RARB: variants seen among roughly 807,000 people sequenced by gnomAD.
The protein encoded by RARB is retinoic acid receptor beta.
In RARB, 17 loss-of-function variants were observed where a neutral mutation model predicts 51.9. The observed-to-expected ratio is 0.33, with a 90% CI of 0.22 to 0.49. The LOEUF (loss-of-function observed/expected upper bound fraction) is 0.49, where lower values mean the gene tolerates loss of function less well. Among genes scored for constraint, RARB ranks in the 20% least tolerant of loss-of-function variants. The probability of loss-of-function intolerance (pLI) is 0.99; values close to 1 mark genes in which losing one functional copy is unlikely to be tolerated. For missense variants in RARB, 369 were observed against 550.8 expected (o/e 0.67, Z 3.30); for synonymous variants, 215 against 195.4 (o/e 1.10, Z -0.84).
At chr3:25,339,906 G>C (rs77027859) in intron 5 of RARB, among the ~76,000 whole-genome samples, 2,959 of 152,238 alleles carry the variant, frequency 0.019, 33 homozygotes, top group Non-Finnish European at 0.031. Context: ...TCTGGCTGCA[G>C]TTTTTATATT....
chr3:25,120,901 A>G (rs943613031), intron 3 of RARB, among the ~76,000 whole-genome samples: 5 of 152,160 alleles, frequency 3.3e-5, no homozygotes, highest in Admixed American at 2.6e-4. Context: ...CCACTTTCCC[A>G]TGGCAGAGTC....
At chr3:25,424,339 T>G (rs78312847), upstream of RARB, among the ~76,000 whole-genome samples, 4,331 of 152,212 alleles carry the variant, frequency 0.028, 199 homozygotes, top group African/African-American at 0.097. Flanking sequence ...AAGCAAAGTT[T>G]CCATGTGTTA....
At chr3:24,890,675 G>T (rs147912717) in intron 2 of RARB, among the ~76,000 whole-genome samples, 100 of 152,316 alleles carry the variant, frequency 6.6e-4, no homozygotes, top group Non-Finnish European at 9.7e-4. Flanking sequence ...AGGATGTGAA[G>T]AAACCTGGCT....
chr3:24,897,076 C>T (rs539941710), intron 2 of RARB, among the ~76,000 whole-genome samples: 2 of 152,282 alleles, frequency 1.3e-5, no homozygotes, highest in South Asian at 4.1e-4. Context: ...GTCTCTGACA[C>T]TTATGTCTAA....
At chr3:25,594,750 T>C in intron 7 of RARB, 72 bp downstream of exon 7, 1 of 1,346,002 alleles carries the variant, frequency 7.4e-7, no homozygotes, top group Middle Eastern at 2.1e-4. Flanking sequence ...TGTTGCTTTA[T>C]TCAATTCAGG....
chr3:25,448,592 C>A (rs149282957), intron 1 of RARB, among the ~76,000 whole-genome samples: 1 of 152,064 alleles, frequency 6.6e-6, no homozygotes, highest in East Asian at 1.9e-4. Flanking sequence ...CTCAGCCTCC[C>A]GAGTAGCTGG....
chr3:25,181,063 A>G (rs1017302707), intron 5 of RARB, among the ~76,000 whole-genome samples: 3 of 152,188 alleles, frequency 2.0e-5, no homozygotes, highest in African/African-American at 4.8e-5. Context: ...TCTTCTTGTT[A>G]TGACCAAAGT....
intron 1 of RARB, among the ~76,000 whole-genome samples, chr3:24,833,843 C>T (rs1277842832): frequency 2.0e-5 from 3 of 152,206 alleles, no homozygotes; most frequent in Non-Finnish European, 1.5e-5. Flanking sequence ...GGCCAGTGCT[C>T]TAGCCATACC....
chr3:25,371,064 C>G (rs182000799), intron 5 of RARB, among the ~76,000 whole-genome samples: 1 of 152,132 alleles, frequency 6.6e-6, no homozygotes, highest in Admixed American at 6.5e-5. Context: ...TTATCCAAGA[C>G]GATTTCTCCT....
chr3:25,038,236 T>G (rs1003298157), intron 2 of RARB, among the ~76,000 whole-genome samples: 5 of 152,168 alleles, frequency 3.3e-5, no homozygotes, highest in Non-Finnish European at 7.4e-5. Flanking sequence ...AAATTGAACC[T>G]CTTAGGAAGT....
chr3:25,431,696 T>TC (rs1309030481), intron 1 of RARB, among the ~76,000 whole-genome samples: 1 of 152,152 alleles, frequency 6.6e-6, no homozygotes, highest in African/African-American at 2.4e-5. Flanking sequence ...TTGGCCTTTT[T>TC]CCCTGTCTTT....
At chr3:25,285,788 A>T (rs1462925880) in intron 5 of RARB, among the ~76,000 whole-genome samples, 2 of 152,214 alleles carry the variant, frequency 1.3e-5, no homozygotes, top group African/African-American at 4.8e-5. Context: ...GGCAAAGCCA[A>T]AGGAAGAAAG....
At chr3:24,925,828 A>T (rs1157591319) in intron 2 of RARB, among the ~76,000 whole-genome samples, 1 of 152,020 alleles carries the variant, frequency 6.6e-6, no homozygotes, top group Non-Finnish European at 1.5e-5. Context: ...GAGTGTTTCA[A>T]GTTATTCTAT....
intron 5 of RARB, among the ~76,000 whole-genome samples, chr3:25,245,481 T>A (rs142207974): frequency 0.043 from 6,505 of 152,272 alleles, 174 homozygotes; most frequent in Non-Finnish European, 0.068. Context: ...CTTAAGGAGC[T>A]CTTGTAAGGC....
chr3:25,165,021 G>T (rs1012880345), intron 4 of RARB, among the ~76,000 whole-genome samples: 2 of 152,110 alleles, frequency 1.3e-5, no homozygotes, highest in African/African-American at 2.4e-5. Flanking sequence ...TCTTCTAAAA[G>T]GGGCAGTTAA....
chr3:25,532,865 T>C (rs902942721), intron 3 of RARB, among the ~76,000 whole-genome samples: 13 of 152,208 alleles, frequency 8.5e-5, no homozygotes, highest in African/African-American at 2.9e-4. Context: ...AAGAAAGGCA[T>C]TGCTTTTCAG....
At chr3:25,049,727 A>G (rs1222257706) in intron 2 of RARB, among the ~76,000 whole-genome samples, 2 of 152,250 alleles carry the variant, frequency 1.3e-5, no homozygotes, top group African/African-American at 2.4e-5. Context: ...GCATCTTCAC[A>G]TTTGTTTGAA....
At chr3:25,183,534 A>G (rs1700910219) in intron 5 of RARB, among the ~76,000 whole-genome samples, 7 of 152,188 alleles carry the variant, frequency 4.6e-5, no homozygotes, top group Admixed American at 4.6e-4. Flanking sequence ...GGAATCTGTG[A>G]GATTCTTCAG....
At chr3:25,205,009 C>G (rs1419809885) in intron 5 of RARB, among the ~76,000 whole-genome samples, 2 of 152,176 alleles carry the variant, frequency 1.3e-5, no homozygotes, top group Non-Finnish European at 1.5e-5. Context: ...TTTGGGTATG[C>G]CTTGCCCCCA....
Sources: gnomAD v4.1 joint callset for allele counts (sites outside exome capture counted in the v4.1 genomes callset) on GRCh38, gnomAD v4.1.1 for gene constraint, MANE v1.5 for transcripts, NCBI Gene and HGNC (gene_info 2026-07-23, HGNC 2026-07-21) for gene names.